The following AFAP1L2 variants were observed in gnomAD, a reference collection of about 807,000 sequenced individuals.
AFAP1L2 encodes the protein actin filament-associated protein 1-like 2.
In AFAP1L2, 46 loss-of-function variants were observed where a neutral mutation model predicts 99.3. That is an observed-to-expected ratio of 0.46 (90% confidence interval 0.37 to 0.59). The LOEUF is 0.59. Among genes scored for constraint, AFAP1L2 ranks in the 20% least tolerant of loss-of-function variants. AFAP1L2 has a pLI of 0.00. For synonymous variants in AFAP1L2, 397 were observed against 419.1 expected, an observed-to-expected ratio of 0.95 and a Z score of 0.64; for missense variants, 959 against 1,034.9, an observed-to-expected ratio of 0.93 and a Z score of 1.01.
chr10:114,335,378 CA>C (rs1235618984), intron 2 of AFAP1L2, among the ~76,000 whole-genome samples: 12 of 151,974 alleles, frequency 7.9e-5, no homozygotes, highest in African/African-American at 2.7e-4. Context: ...TTTGGGAGGC[CA>C]AGGTGGGCGG....
Position 114,295,991 on chromosome 10 carries a change from T to C in AFAP1L2, c.*51A>G, listed in dbSNP as rs777948055. On this transcript the variant is annotated 3_prime_UTR_variant, in exon 19 of 19. Transcript: ENST00000304129. The stretch of plus-strand genomic sequence containing the variant: ...TAGTTTTTGCTTTAACAAAGCAGGA[T>C]TGTCACCAAGGTCCACATTGACATG... The C allele has an allele frequency of 6.2e-7, 1 of 1,613,972 alleles. No individual in the cohort carries two copies. The highest frequency in any genetic ancestry group is 2.2e-5 in the East Asian group (1 of 44,878).
At chr10:114,309,654 C>T (rs1286548530) in intron 8 of AFAP1L2, among the ~76,000 whole-genome samples, 1 of 152,176 alleles carries the variant, frequency 6.6e-6, no homozygotes, top group Non-Finnish European at 1.5e-5. Flanking sequence ...ATGAGGACTA[C>T]AGCCCTTTGG....
chr10:114,308,434 G>A lies in AFAP1L2; in HGVS notation c.966C>T (p.Asp322=), dbSNP rs74537149. The A allele has an allele frequency of 4.3e-4, 701 of 1,613,574 alleles. 6 individuals are homozygous for A. The East Asian group carries it at 0.013, about 30-fold the overall frequency. Reference sequence around the variant, plus strand: ...CCCCTCCCAACCACATGATGTTACCGTCTTTGGTTTCTGGGACCTCAGGGT... The same window carrying A: ...CCCCTCCCAACCACATGATGTTACCATCTTTGGTTTCTGGGACCTCAGGGT... ...DGHPEVPETK[D]VKKKCSAGLK... Residue 322 remains aspartate, a splice_region_variant and synonymous_variant, in exon 9 of 19, where the codon GAC becomes GAT. Transcript: ENST00000304129.
intron 1 of AFAP1L2, among the ~76,000 whole-genome samples, chr10:114,361,245 A>T (rs2052365745): frequency 1.3e-5 from 2 of 152,192 alleles, no homozygotes; most frequent in African/African-American, 4.8e-5. Context: ...GTGGGGACAC[A>T]GCCAAACCAT....
At chr10:114,372,053 A>G (rs1307334756) in intron 1 of AFAP1L2, among the ~76,000 whole-genome samples, 7 of 152,246 alleles carry the variant, frequency 4.6e-5, no homozygotes, top group Non-Finnish European at 1.0e-4. Flanking sequence ...AGAGACAGCA[A>G]CAACAAAGGT....
Position 114,313,991 on chromosome 10 carries a change from G to A in AFAP1L2, c.672C>T (p.Ser224=), listed in dbSNP as rs777604453. The change falls in exon 7 of 19, where the codon AGC becomes AGT. Residue 224 remains serine, a synonymous_variant. Coordinates refer to ENST00000304129, the MANE Select transcript of AFAP1L2 (RefSeq NM_001001936.3). ...PQLDVNLLGS[S]VIHKEKQVRK... is the part of the protein sequence containing the mutation. ...GCACTTGCTTCTCCTTGTGAATGAC[G>A]CTGCTGCCCAGTAGGTTCACGTCCA... 6.2e-6 allele frequency: 10 copies of A among 1,613,900 alleles called. No homozygotes were observed. Among genetic ancestry groups the A allele is most frequent in the Non-Finnish European group, 6.8e-6 (8 of 1,180,006 alleles).
chr10:114,378,584 G>C (rs2055125542), intron 1 of AFAP1L2, among the ~76,000 whole-genome samples: 1 of 152,184 alleles, frequency 6.6e-6, no homozygotes, highest in Non-Finnish European at 1.5e-5. Flanking sequence ...ATGGAGTCTT[G>C]CTCCTTCTGC....
chr10:114,289,180 G>A, the AFAP1L2 span: 5 of 1,613,690 alleles, frequency 3.1e-6, no homozygotes, highest in South Asian at 5.5e-5. Context: ...CCCCTACCTA[G>A]GTGGGGTGGG....
chr10:114,294,627 G>A (rs901757998), downstream of AFAP1L2, among the ~76,000 whole-genome samples: 1 of 152,164 alleles, frequency 6.6e-6, no homozygotes, highest in Admixed American at 6.5e-5. Context: ...TTCTGCAGAT[G>A]TTTCCTGTGT....
chr10:114,335,809 A>G (rs2047886225), intron 2 of AFAP1L2, among the ~76,000 whole-genome samples: 1 of 152,190 alleles, frequency 6.6e-6, no homozygotes, highest in Non-Finnish European at 1.5e-5. Flanking sequence ...TGAATCGTCA[A>G]CACATGGAAA....
chr10:114,317,780 G>T (rs1408356677), intron 5 of AFAP1L2, among the ~76,000 whole-genome samples: 1 of 152,150 alleles, frequency 6.6e-6, no homozygotes, highest in Non-Finnish European at 1.5e-5. Flanking sequence ...GATGGCTTGA[G>T]CCCAGGAGGC....
intron 1 of AFAP1L2, chr10:114,398,729 G>A (rs2057964171): frequency 4.3e-6 from 4 of 924,666 alleles, no homozygotes; most frequent in Non-Finnish European, 5.9e-6. Context: ...CCAGGCCGGT[G>A]CCCAGCTCCT....
At chr10:114,313,846 C>T in intron 7 of AFAP1L2, 25 bp downstream of exon 7, 1 of 1,574,756 alleles carries the variant, frequency 6.4e-7, no homozygotes, top group Non-Finnish European at 8.6e-7. Context: ...AGGAACCCCT[C>T]CAAGTGGCTC....
intron 9 of AFAP1L2, 100 bp downstream of exon 9, chr10:114,308,333 G>T (rs1381282692): frequency 3.0e-6 from 3 of 987,734 alleles, no homozygotes; most frequent in African/African-American, 1.6e-5. Flanking sequence ...ATTAATAGGG[G>T]GCCATGTTAG....
chr10:114,398,845 A>G (rs1260736608), intron 1 of AFAP1L2: 9 of 1,304,254 alleles, frequency 6.9e-6, no homozygotes, highest in South Asian at 2.5e-5. Flanking sequence ...ACAGGCTCAT[A>G]CTCACACGCA....
At chr10:114,324,396 ACCCCCC>A (rs56354768) in intron 4 of AFAP1L2, among the ~76,000 whole-genome samples, 3 of 126,444 alleles carry the variant, frequency 2.4e-5, no homozygotes, top group African/African-American at 1.1e-4. Context: ...GGGGTGCACC[ACCCCCC>A]CCCCCCCCCC....
intron 1 of AFAP1L2, among the ~76,000 whole-genome samples, chr10:114,385,989 C>T (rs867612522): frequency 2.6e-5 from 4 of 151,952 alleles, no homozygotes; most frequent in South Asian, 2.1e-4. Context: ...AGAAAATGTC[C>T]AAGGAAGGAA....
Position 114,297,266 on chromosome 10 carries a change from A to C in AFAP1L2, c.2261T>G (p.Leu754Ter). 1 of 1,613,942 alleles carries C rather than the reference A, an allele frequency of 6.2e-7. No individual in the cohort carries two copies. Among genetic ancestry groups the C allele is most frequent in the Non-Finnish European group, 8.5e-7 (1 of 1,179,968 alleles). The change falls in exon 17 of 19, where the codon TTA becomes TGA. Residue 754 changes from leucine (L) to a stop codon, truncating the protein, a stop_gained. Transcript: ENST00000304129. LOFTEE classifies it high-confidence loss of function. ...GTGGGTGGTGTCCACGGTGGTGCCT[A>C]ACGTCACAGGCCCTGCCTCAGCCTT... ...LKKAEAGPVTLGTTVDTTHLE... is the reference protein window; with the variant it reads ...LKKAEAGPVT
At chr10:114,402,790 G>C (rs1409107967) in intron 1 of AFAP1L2, among the ~76,000 whole-genome samples, 1 of 152,194 alleles carries the variant, frequency 6.6e-6, no homozygotes, top group Non-Finnish European at 1.5e-5. Context: ...CCCTGATTTA[G>C]AGAGATTAAT....
Sources: allele counts gnomAD v4.1 joint callset (sites outside exome capture counted in the v4.1 genomes callset), GRCh38; gene constraint gnomAD v4.1.1; transcripts MANE v1.5; gene names NCBI Gene and HGNC (gene_info 2026-07-23, HGNC 2026-07-21).